SLX4IP: variants seen among roughly 807,000 people sequenced by gnomAD.
The protein encoded by SLX4IP is SLX4 interacting protein.
SLX4IP carries 34 observed loss-of-function variants against 32.9 expected under a neutral mutation model. The ratio of observed to expected loss-of-function variants is 1.03; its 90% CI spans 0.79 to 1.38. The LOEUF (loss-of-function observed/expected upper bound fraction) is 1.38. Ranked by LOEUF, SLX4IP falls within the 40% of genes most tolerant of loss-of-function variation. The pLI is 0.00. For synonymous variants in SLX4IP, 172 were observed against 171.7 expected, an observed-to-expected ratio of 1.00 and a Z score of -0.01; for missense variants, 444 against 479.0, an observed-to-expected ratio of 0.93 and a Z score of 0.68.
At chr20:10,508,590 C>T (rs1482501734) in intron 2 of SLX4IP, among the ~76,000 whole-genome samples, 5 of 152,156 alleles carry the variant, frequency 3.3e-5, no homozygotes, top group Admixed American at 2.0e-4. Flanking sequence ...CATTCATGCT[C>T]CCGGGGGCTG....
At position 10,556,220 on chromosome 20, in the gene SLX4IP, A is replaced by G; in HGVS notation, c.28-11A>G. ...CGCACAGACACTGACTCTGCCATTA[A>G]TGTCTTTCAGTGTGGGAATTTTGCT... On this transcript the variant is annotated splice_polypyrimidine_tract_variant and intron_variant, in intron 2 of 7. Transcript: ENST00000334534. 6.2e-7 allele frequency: 1 copy of G among 1,611,398 alleles called. No homozygotes were observed. The highest frequency in any genetic ancestry group is 8.5e-7 in the Non-Finnish European group (1 of 1,178,628).
At chr20:10,503,726 A>G (rs1202783628) in intron 2 of SLX4IP, among the ~76,000 whole-genome samples, 1 of 152,180 alleles carries the variant, frequency 6.6e-6, no homozygotes, top group Non-Finnish European at 1.5e-5. Flanking sequence ...TGGCAGGGCC[A>G]TGCTTTCTCT....
rs2067180437 is a variant in SLX4IP, at chr20:10,627,044, G to A, written c.*3665G>A. The A allele has an allele frequency of 6.6e-6, 1 of 152,206 alleles. No homozygotes were observed. Among genetic ancestry groups the A allele is most frequent in the Non-Finnish European group, 1.5e-5 (1 of 68,036 alleles). 9.4% of individuals were successfully genotyped at this position (152,206 alleles called of 1,614,324 possible). On this transcript the variant is annotated 3_prime_UTR_variant, in exon 8 of 8. Coordinates refer to ENST00000334534, the MANE Select transcript of SLX4IP (RefSeq NM_001009608.3). ...ATAAGGGAAGGAAACCTCTGCTCAA[G>A]AGAGTGGCCTGGGATCACAGTGTCG...
At chr20:10,559,335 T>G (rs999724348) in intron 3 of SLX4IP, among the ~76,000 whole-genome samples, 1 of 152,190 alleles carries the variant, frequency 6.6e-6, no homozygotes, top group Admixed American at 6.5e-5. Context: ...TCTATATTGT[T>G]TGAGGAGTAC....
chr20:10,497,002 T>C (rs543105503), intron 2 of SLX4IP, among the ~76,000 whole-genome samples: 1 of 152,354 alleles, frequency 6.6e-6, no homozygotes, highest in South Asian at 2.1e-4. Context: ...TGGTTATTAA[T>C]ATTTTTTCAA....
At chr20:10,603,640 C>T (rs1404947292) in intron 6 of SLX4IP, among the ~76,000 whole-genome samples, 1 of 152,146 alleles carries the variant, frequency 6.6e-6, no homozygotes, top group East Asian at 1.9e-4. Flanking sequence ...CCACCTCTGT[C>T]TCTTCACATA....
intron 2 of SLX4IP, among the ~76,000 whole-genome samples, chr20:10,503,305 C>A (rs1052147570): frequency 4.6e-5 from 7 of 152,126 alleles, no homozygotes; most frequent in African/African-American, 1.7e-4. Flanking sequence ...TAACAGCTGG[C>A]GGGTGACTGA....
At chr20:10,580,182 T>A (rs528864020) in intron 4 of SLX4IP, among the ~76,000 whole-genome samples, 73 of 152,184 alleles carry the variant, frequency 4.8e-4, no homozygotes, top group Non-Finnish European at 7.5e-4. Context: ...TCATTCAGAA[T>A]CCTTTCCCTC....
At chr20:10,456,860 A>G (rs866778980) in intron 1 of SLX4IP, among the ~76,000 whole-genome samples, 3 of 152,238 alleles carry the variant, frequency 2.0e-5, no homozygotes, top group Admixed American at 6.5e-5. Context: ...CTTACAATCC[A>G]TGAACACGGG....
rs538348335 is a variant in SLX4IP, at chr20:10,623,067, C to T, written c.915C>T (p.Phe305=). The T allele has an allele frequency of 3.1e-6, 5 of 1,613,964 alleles. No individual in the cohort carries two copies. The highest frequency in any genetic ancestry group is 1.7e-5 in the Admixed American group (1 of 60,002). Reference sequence around the variant, plus strand: ...GGAACTGCAGCTCTGCGGAAGACTTCGACCACCACGGGAGAGTTTCTCTTG... The same window carrying T: ...GGAACTGCAGCTCTGCGGAAGACTTTGACCACCACGGGAGAGTTTCTCTTG... ...KRRNCSSAED[F]DHHGRVSLGS... is the part of the protein sequence containing the mutation. Residue 305 remains phenylalanine (F), a synonymous_variant, in exon 8 of 8, where the codon TTC becomes TTT. Coordinates refer to ENST00000334534, the MANE Select transcript of SLX4IP (RefSeq NM_001009608.3).
intron 2 of SLX4IP, among the ~76,000 whole-genome samples, chr20:10,473,759 C>T (rs867861090): frequency 5.3e-5 from 8 of 151,332 alleles, no homozygotes; most frequent in South Asian, 2.1e-4. Flanking sequence ...CCTGCCACCA[C>T]GCCTGGCTAA....
At chr20:10,558,666 T>A (rs1310039261) in intron 3 of SLX4IP, among the ~76,000 whole-genome samples, 1 of 152,218 alleles carries the variant, frequency 6.6e-6, no homozygotes, top group Non-Finnish European at 1.5e-5. Flanking sequence ...ACCCAAACAG[T>A]TGAAGTCAAA....
intron 4 of SLX4IP, among the ~76,000 whole-genome samples, chr20:10,589,007 A>G (rs1458426357): frequency 1.3e-5 from 2 of 152,234 alleles, no homozygotes; most frequent in Non-Finnish European, 2.9e-5. Flanking sequence ...TAATCATTTC[A>G]CAATAGATAC....
chr20:10,624,416 T>C lies in SLX4IP; in HGVS notation c.*1037T>C, dbSNP rs182516090. 1.3e-5 allele frequency: 2 copies of C among 152,176 alleles called. No homozygotes were observed. Among genetic ancestry groups the C allele is most frequent in the East Asian group, 3.9e-4 (2 of 5,164 alleles). 9.4% of individuals were successfully genotyped at this position (152,176 alleles called of 1,614,324 possible). On this transcript the variant is annotated 3_prime_UTR_variant, in exon 8 of 8. Coordinates refer to ENST00000334534, the MANE Select transcript of SLX4IP (RefSeq NM_001009608.3). ...CTTCCCTTTACAATGTCACCCACTG[T>C]CTCCAGTGGGCTTGATGAAATGTCA...
intron 2 of SLX4IP, among the ~76,000 whole-genome samples, chr20:10,510,539 G>C (rs1462899886): frequency 6.6e-6 from 1 of 152,132 alleles, no homozygotes; most frequent in East Asian, 1.9e-4. Context: ...CAGTGAAAGA[G>C]AGCCTGGCCA....
chr20:10,576,269 T>G (rs775924539), intron 4 of SLX4IP, among the ~76,000 whole-genome samples: 7 of 152,188 alleles, frequency 4.6e-5, no homozygotes, highest in Non-Finnish European at 1.0e-4. Context: ...CGATAGACAT[T>G]TATACTGTCT....
intron 4 of SLX4IP, among the ~76,000 whole-genome samples, chr20:10,577,305 C>T (rs1054428456): frequency 7.8e-4 from 119 of 152,006 alleles, no homozygotes; most frequent in African/African-American, 2.7e-3. Context: ...TTCATGCTTT[C>T]CCCCCTTCAT....
At chr20:10,504,880 A>G in intron 2 of SLX4IP, among the ~76,000 whole-genome samples, 1 of 152,200 alleles carries the variant, frequency 6.6e-6, no homozygotes, top group East Asian at 1.9e-4. Flanking sequence ...TCTCATAGCA[A>G]CAGGAAAACT....
At chr20:10,609,555 T>C (rs973249288) in intron 6 of SLX4IP, among the ~76,000 whole-genome samples, 2 of 152,186 alleles carry the variant, frequency 1.3e-5, no homozygotes, top group African/African-American at 4.8e-5. Flanking sequence ...TTAGACCCTT[T>C]TCCCATCAGT....
Sources: allele counts gnomAD v4.1 joint callset (sites outside exome capture counted in the v4.1 genomes callset), GRCh38; gene constraint gnomAD v4.1.1; transcripts MANE v1.5; gene names NCBI Gene and HGNC (gene_info 2026-07-23, HGNC 2026-07-21).